The following NR5A2 variants were observed in gnomAD, a reference collection of about 807,000 sequenced individuals.
NR5A2 encodes CYP7A promoter-binding factor.
A neutral mutation model predicts 62.7 loss-of-function variants in NR5A2; 26 were observed. The ratio of observed to expected loss-of-function variants is 0.41; its 90% confidence interval spans 0.30 to 0.58. The LOEUF (loss-of-function observed/expected upper bound fraction) is 0.58, where lower values mean the gene tolerates loss of function less well. Ranked by LOEUF, NR5A2 falls within the 20% of genes least tolerant of loss-of-function variation. The pLI, the probability that NR5A2 is intolerant of heterozygous loss-of-function variation, is 0.22. For synonymous variants in NR5A2, 246 were observed against 241.7 expected (o/e 1.02, Z -0.16); for missense variants, 541 against 669.1 (o/e 0.81, Z 2.11).
intron 7 of NR5A2, among the ~76,000 whole-genome samples, chr1:200,163,586 A>G (rs919074744): frequency 6.6e-6 from 1 of 151,572 alleles, no homozygotes. Context: ...GGATCAAGTG[A>G]TTCTCCCACC....
chr1:200,106,213 A>C (rs7511730), intron 5 of NR5A2, among the ~76,000 whole-genome samples: 36,120 of 151,876 alleles, frequency 0.24, 4,914 homozygotes, highest in Admixed American at 0.32. Flanking sequence ...ACCCGCCACC[A>C]TGCCCACCTA....
chr1:200,044,024 C>T (rs1424926485), intron 3 of NR5A2, 132 bp downstream of exon 3: 3 of 580,692 alleles, frequency 5.2e-6, no homozygotes, highest in Non-Finnish European at 9.1e-6. Flanking sequence ...AAGAGAGAGT[C>T]TTAGGGAGAT....
chr1:200,142,774 A>T (rs1030334884), intron 7 of NR5A2, among the ~76,000 whole-genome samples: 1 of 151,698 alleles, frequency 6.6e-6, no homozygotes, highest in African/African-American at 2.4e-5. Context: ...TATCTTTTAA[A>T]TTTTTTCATT....
chr1:200,041,466 A>C (rs779087161), intron 2 of NR5A2, among the ~76,000 whole-genome samples: 1 of 152,064 alleles, frequency 6.6e-6, no homozygotes, highest in African/African-American at 2.4e-5. Flanking sequence ...TGGGGACCCC[A>C]TTCTCCTGCT....
At chr1:200,032,385 A>G (rs1661579415) in intron 1 of NR5A2, among the ~76,000 whole-genome samples, 1 of 152,190 alleles carries the variant, frequency 6.6e-6, no homozygotes, top group Admixed American at 6.5e-5. Context: ...GGAAGCTGTT[A>G]TGTATGTTTT....
intron 5 of NR5A2, among the ~76,000 whole-genome samples, chr1:200,095,613 T>C (rs547740278): frequency 1.3e-4 from 19 of 151,742 alleles, no homozygotes; most frequent in South Asian, 8.4e-4. Flanking sequence ...AGTGCAGTGG[T>C]GCCATCTCAG....
intron 5 of NR5A2, among the ~76,000 whole-genome samples, chr1:200,091,241 C>T (rs76786061): frequency 0.026 from 3,972 of 152,232 alleles, 177 homozygotes; most frequent in African/African-American, 0.091. Flanking sequence ...TGCACTCTAA[C>T]AGTGACTACT....
intron 5 of NR5A2, among the ~76,000 whole-genome samples, chr1:200,061,381 C>T (rs756527606): frequency 4.0e-5 from 6 of 148,646 alleles, no homozygotes; most frequent in South Asian, 2.1e-4. Flanking sequence ...AGGGTTCAAG[C>T]GATTCTCCTG....
intron 5 of NR5A2, among the ~76,000 whole-genome samples, chr1:200,100,059 A>T (rs1400282927): frequency 6.6e-6 from 1 of 152,228 alleles, no homozygotes; most frequent in African/African-American, 2.4e-5. Context: ...TCAAGCTGAG[A>T]AGGATTCTGT....
intron 7 of NR5A2, among the ~76,000 whole-genome samples, chr1:200,153,142 A>C (rs1465106101): frequency 6.6e-6 from 1 of 152,238 alleles, no homozygotes; most frequent in Non-Finnish European, 1.5e-5. Context: ...ACTTATATGC[A>C]GTAGTACTTA....
chr1:200,155,820 C>A (rs954538342), intron 7 of NR5A2, among the ~76,000 whole-genome samples: 1 of 152,016 alleles, frequency 6.6e-6, no homozygotes, highest in African/African-American at 2.4e-5. Context: ...ATTGCAGGTG[C>A]CAGCCACCAT....
At chr1:200,076,122 C>G (rs1664023642) in intron 5 of NR5A2, among the ~76,000 whole-genome samples, 1 of 152,154 alleles carries the variant, frequency 6.6e-6, no homozygotes. Context: ...CCCCTTTCTT[C>G]AGAAGTAGTC....
intron 5 of NR5A2, among the ~76,000 whole-genome samples, chr1:200,105,559 A>T (rs960571949): frequency 1.3e-5 from 2 of 152,240 alleles, no homozygotes; most frequent in African/African-American, 4.8e-5. Context: ...AAGACCTGAC[A>T]CACCAAAATT....
At chr1:200,091,250 C>T (rs1343239704) in intron 5 of NR5A2, among the ~76,000 whole-genome samples, 1 of 152,146 alleles carries the variant, frequency 6.6e-6, no homozygotes, top group African/African-American at 2.4e-5. Context: ...ACAGTGACTA[C>T]TATTTATTGA....
At chr1:200,165,977 C>T (rs1161808776) in intron 7 of NR5A2, among the ~76,000 whole-genome samples, 1 of 152,228 alleles carries the variant, frequency 6.6e-6, no homozygotes, top group Non-Finnish European at 1.5e-5. Flanking sequence ...TTCCTCATTC[C>T]TGCCAACCAC....
chr1:200,062,651 A>T (rs1173395589), intron 5 of NR5A2, among the ~76,000 whole-genome samples: 1 of 152,174 alleles, frequency 6.6e-6, no homozygotes, highest in Non-Finnish European at 1.5e-5. Context: ...GGGGAGCTTG[A>T]AGTGCCTTAG....
At chr1:200,173,368 ATT>A (rs1654271107) in intron 7 of NR5A2, among the ~76,000 whole-genome samples, 1 of 152,238 alleles carries the variant, frequency 6.6e-6, no homozygotes, top group Non-Finnish European at 1.5e-5. Flanking sequence ...CAAGATATAT[ATT>A]TTAGAGAGTT....
chr1:200,173,929 A>G, intron 7 of NR5A2, 34 bp from the exon 8 acceptor site: 1 of 1,391,224 alleles, frequency 7.2e-7, no homozygotes, highest in Non-Finnish European at 9.4e-7. Context: ...ATGCTATTGA[A>G]ATGTTGCTTT....
chr1:200,114,467 G>C (rs1231541200), intron 6 of NR5A2, among the ~76,000 whole-genome samples: 1 of 152,076 alleles, frequency 6.6e-6, no homozygotes, highest in South Asian at 2.1e-4. Context: ...CACACATACA[G>C]GTGTAATTTA....
Sources: gnomAD v4.1 joint callset for allele counts (sites outside exome capture counted in the v4.1 genomes callset) on GRCh38, gnomAD v4.1.1 for gene constraint, MANE v1.5 for transcripts, NCBI Gene and HGNC (gene_info 2026-07-23, HGNC 2026-07-21) for gene names.